Variants in ST3GAL3 observed in about 807,000 individuals in gnomAD.
ST3GAL3 encodes the protein CMP-N-acetylneuraminate-beta-1,4-galactoside alpha-2,3-sialyltransferase.
Under a neutral mutation model 50.1 loss-of-function variants are expected in ST3GAL3, and 21 were observed. That is an observed-to-expected ratio of 0.42 (90% CI 0.30 to 0.60). ST3GAL3 has a LOEUF of 0.60. Ranked by LOEUF, ST3GAL3 falls within the 20% of genes least tolerant of loss-of-function variation. ST3GAL3 has a pLI of 0.19. For missense variants in ST3GAL3, 353 were observed against 489.4 expected, an observed-to-expected ratio of 0.72 and a Z score of 2.63; for synonymous variants, 183 against 190.0, an observed-to-expected ratio of 0.96 and a Z score of 0.30.
rs180763434 is a variant in ST3GAL3 at position 43,743,115 on chromosome 1, A to C, written c.118+6735A>C. ...AAAAAAAAAAAAAAGACAATTGGGCAGGAAAAAAAATAACATTTTATTTTT... is the reference window on the plus strand; with the variant it reads ...AAAAAAAAAAAAAAGACAATTGGGCCGGAAAAAAAATAACATTTTATTTTT... On this transcript the variant is annotated intron_variant, in intron 2 of 11. Transcript: ENST00000347631. Among the ~76,000 whole-genome samples, 13 of 151,418 alleles carry C rather than the reference A, an allele frequency of 8.6e-5. 1 individual carries two copies. Among genetic ancestry groups the C allele is most frequent in the Admixed American group, 7.2e-4 (11 of 15,182 alleles).
chr1:43,742,611 G>GA (rs1681457522), intron 2 of ST3GAL3, among the ~76,000 whole-genome samples: 1 of 152,110 alleles, frequency 6.6e-6, no homozygotes, highest in African/African-American at 2.4e-5. Context: ...TATTCAAGAA[G>GA]AAAAATCTAT....
chr1:43,757,845 C>T (rs187695907), intron 2 of ST3GAL3, among the ~76,000 whole-genome samples: 1 of 152,172 alleles, frequency 6.6e-6, no homozygotes, highest in African/African-American at 2.4e-5. Flanking sequence ...AAAGGCAAGC[C>T]ACAGCCTGGG....
intron 2 of ST3GAL3, among the ~76,000 whole-genome samples, chr1:43,789,209 G>A (rs566246813): frequency 6.6e-6 from 1 of 152,240 alleles, no homozygotes; most frequent in East Asian, 1.9e-4. Context: ...ATGGAAATGG[G>A]CTATGTTGGA....
chr1:43,802,913 CAGTT>C (rs972764963), intron 3 of ST3GAL3, among the ~76,000 whole-genome samples: 4 of 152,058 alleles, frequency 2.6e-5, no homozygotes, highest in Admixed American at 6.6e-5. Flanking sequence ...TATGGCCTCA[CAGTT>C]GGTTGGTTTT....
At chr1:43,760,734 T>C (rs1172036925) in intron 2 of ST3GAL3, among the ~76,000 whole-genome samples, 1 of 151,546 alleles carries the variant, frequency 6.6e-6, no homozygotes, top group African/African-American at 2.4e-5. Context: ...CCAGCTTGGG[T>C]GACACAGCAA....
chr1:43,708,664 A>G (rs1325581344), intron 1 of ST3GAL3, among the ~76,000 whole-genome samples: 6 of 150,918 alleles, frequency 4.0e-5, no homozygotes, highest in Admixed American at 6.5e-5. Context: ...ATACTTTCAA[A>G]TAATCTCTTA....
intron 2 of ST3GAL3, among the ~76,000 whole-genome samples, chr1:43,740,814 T>C (rs1680555717): frequency 6.7e-6 from 1 of 148,250 alleles, no homozygotes; most frequent in South Asian, 2.1e-4. Context: ...AAACCTTGTC[T>C]TAAGAAAGAA....
In ST3GAL3 at chr1:43,899,197, G is replaced by A; in HGVS notation, c.491G>A (p.Gly164Asp). ...CGCTGCCGCCGCTGCATCATCGTGG[G>A]CAATGGAGGCGTTCTTGCCAACAAG... ...SLRCRRCIIV[G>D]NGGVLANKSL... The change falls in exon 8 of 12, where the codon GGC becomes GAC. Residue 164 changes from glycine (G) to aspartate (D), a missense_variant. Physicochemically the swap from Gly to Asp is moderately conservative, Grantham distance 94. Transcript: ENST00000347631. The surrounding 1 kb of genome is among the most constrained non-coding windows in gnomAD (Gnocchi z 5.4). The A allele has an allele frequency of 6.2e-7, 1 of 1,614,190 alleles. No individual in the cohort carries two copies. Among genetic ancestry groups the A allele is most frequent in the Non-Finnish European group, 8.5e-7 (1 of 1,180,034 alleles).
rs182625603 is a variant in ST3GAL3 at position 43,786,662 on chromosome 1, T to C, written c.119-5440T>C. Among the ~76,000 whole-genome samples the C allele has an allele frequency of 3.4e-3, 523 of 152,324 alleles. 1 individual carries two copies. The highest frequency in any genetic ancestry group is 9.6e-3 in the Admixed American group (147 of 15,294). ...TGTTCATTTCATTTGTTTGGTTGTTTTGTATCTCCCTGACTAAAACAAAAA... is the reference window on the plus strand; with the variant it reads ...TGTTCATTTCATTTGTTTGGTTGTTCTGTATCTCCCTGACTAAAACAAAAA... On this transcript the variant is annotated intron_variant, in intron 2 of 11. Transcript: ENST00000347631.
At chr1:43,714,125 A>C (rs909553877) in intron 1 of ST3GAL3, among the ~76,000 whole-genome samples, 4 of 151,896 alleles carry the variant, frequency 2.6e-5, no homozygotes, top group African/African-American at 9.7e-5. Flanking sequence ...GTAGCTGGGC[A>C]TGGTGGCAGG....
At chr1:43,807,131 A>G (rs2154169408) in intron 3 of ST3GAL3, among the ~76,000 whole-genome samples, 1 of 152,262 alleles carries the variant, frequency 6.6e-6, no homozygotes, top group Middle Eastern at 3.4e-3. Flanking sequence ...GAAGTGAAGT[A>G]GGAGGCTGGG....
At chr1:43,885,342 C>G (rs1381247019) in intron 5 of ST3GAL3, among the ~76,000 whole-genome samples, 1 of 152,198 alleles carries the variant, frequency 6.6e-6, no homozygotes, top group Non-Finnish European at 1.5e-5. Context: ...AAAGGATAGG[C>G]AAGTTCCAGT....
chr1:43,817,585 C>CTTT (rs879572635), intron 4 of ST3GAL3, among the ~76,000 whole-genome samples: 4,536 of 25,534 alleles, frequency 0.18, 150 homozygotes, highest in Non-Finnish European at 0.25. Context: ...TCCTTCTCCT[C>CTTT]CTTCTCCTCC....
At chr1:43,926,449 T>C (rs537934260) in intron 11 of ST3GAL3, among the ~76,000 whole-genome samples, 1 of 151,706 alleles carries the variant, frequency 6.6e-6, no homozygotes, top group South Asian at 2.1e-4. Context: ...ATTAGCCAGG[T>C]GTGGTGGCGC....
intron 5 of ST3GAL3, among the ~76,000 whole-genome samples, chr1:43,863,866 G>T (rs914958097): frequency 6.6e-6 from 1 of 152,176 alleles, no homozygotes; most frequent in Non-Finnish European, 1.5e-5. Flanking sequence ...TGCCCATGGT[G>T]ACTGCTGCCC....
intron 2 of ST3GAL3, among the ~76,000 whole-genome samples, chr1:43,765,784 T>TGTGC (rs757167336): frequency 0.015 from 2,015 of 136,856 alleles, 17 homozygotes; most frequent in Middle Eastern, 0.029. Context: ...TGTGTGTGTG[T>TGTGC]GCGCGCGCGC....
At chr1:43,875,897 C>CTCTTCT (rs66500354) in intron 5 of ST3GAL3, among the ~76,000 whole-genome samples, 61 of 134,034 alleles carry the variant, frequency 4.6e-4, no homozygotes, top group Middle Eastern at 3.8e-3. Flanking sequence ...TTTAGAATTT[C>CTCTTCT]TCTTCTTCTT....
At chr1:43,843,650 G>A (rs1395944744) in intron 5 of ST3GAL3, among the ~76,000 whole-genome samples, 1 of 152,100 alleles carries the variant, frequency 6.6e-6, no homozygotes, top group Admixed American at 6.6e-5. Flanking sequence ...GTGTACAATT[G>A]GTAATATTTT....
intron 2 of ST3GAL3, among the ~76,000 whole-genome samples, chr1:43,768,418 G>A (rs1693917044): frequency 6.6e-6 from 1 of 152,104 alleles, no homozygotes; most frequent in African/African-American, 2.4e-5. Flanking sequence ...TCCAGTCTGG[G>A]CAACAGAGCA....
Sources: gnomAD v4.1 joint callset for allele counts (sites outside exome capture counted in the v4.1 genomes callset) on GRCh38, gnomAD v4.1.1 for gene constraint, Gnocchi (gnomAD v3.1) non-coding constraint, MANE v1.5 for transcripts, NCBI Gene and HGNC (gene_info 2026-07-23, HGNC 2026-07-21) for gene names.